ADAM19: variants seen among roughly 807,000 people sequenced by gnomAD.
ADAM19 encodes the protein ADAM metallopeptidase domain 19, also known as disintegrin and metalloproteinase domain-containing protein 19.
In ADAM19, 65 loss-of-function variants were observed where a neutral mutation model predicts 114.7. The ratio of observed to expected loss-of-function variants is 0.57; its 90% CI spans 0.46 to 0.70. The LOEUF (loss-of-function observed/expected upper bound fraction) is 0.70. Ranked by LOEUF, ADAM19 falls within the 30% of genes least tolerant of loss-of-function variation. The pLI is 0.00. For missense variants in ADAM19, 1,063 were observed against 1,204.7 expected, an observed-to-expected ratio of 0.88 and a Z score of 1.74; for synonymous variants, 466 against 460.5, an observed-to-expected ratio of 1.01 and a Z score of -0.15.
chr5:157,492,508 A>G (rs1755211104), intron 16 of ADAM19, among the ~76,000 whole-genome samples: 2 of 152,242 alleles, frequency 1.3e-5, no homozygotes, highest in African/African-American at 2.4e-5. Flanking sequence ...AAGGACTATT[A>G]TGTTGATTAT....
At chr5:157,502,160 A>C (rs1187352752) in intron 12 of ADAM19, among the ~76,000 whole-genome samples, 2 of 152,240 alleles carry the variant, frequency 1.3e-5, no homozygotes, top group Admixed American at 6.5e-5. Flanking sequence ...ATGTATAAAC[A>C]TACATATTTT....
intron 1 of ADAM19, among the ~76,000 whole-genome samples, chr5:157,573,754 A>AG (rs1159217465): frequency 6.6e-6 from 1 of 151,758 alleles, no homozygotes; most frequent in Admixed American, 6.6e-5. Context: ...AAAAAAAAAA[A>AG]GAAAGAAAAG....
In ADAM19 at chr5:157,495,608, C is replaced by T. The variant is rs575217272; in HGVS notation, c.1595-813G>A. On this transcript the variant is annotated intron_variant, in intron 14 of 22. Coordinates refer to ENST00000257527, the MANE Select transcript of ADAM19 (RefSeq NM_033274.5). ...TCTGTGTGTATCTTCTAGAGATAAT[C>T]TATCTAATAAAGAATGGAAGCATAT... Among the ~76,000 whole-genome samples, 7 of 152,150 alleles carry T rather than the reference C, an allele frequency of 4.6e-5. No homozygotes were observed. In the East Asian group the frequency reaches 1.4e-3, roughly 29 times the overall value.
In ADAM19 at chr5:157,507,121, T is replaced by A. The variant is rs1474047529; in HGVS notation, c.925A>T (p.Thr309Ser). The A allele has an allele frequency of 6.2e-7, 1 of 1,614,106 alleles. No individual in the cohort carries two copies. Among genetic ancestry groups the A allele is most frequent in the East Asian group, 2.2e-5 (1 of 44,874 alleles). ...QLITGMSFHG[T>S]TIGLAPLMAM... ...ATGAGGGGGGCCAGGCCGATGGTGG[T>A]GCCGTGGAAGGACATGCCCCTGCAG... The change falls in exon 10 of 23, where the codon ACC (threonine) becomes TCC (serine). Residue 309 changes from threonine to serine, a missense_variant. Coordinates refer to ENST00000257527, the MANE Select transcript of ADAM19 (RefSeq NM_033274.5).
intron 8 of ADAM19, among the ~76,000 whole-genome samples, chr5:157,510,459 C>T (rs540054342): frequency 1.3e-5 from 2 of 152,078 alleles, no homozygotes; most frequent in East Asian, 1.9e-4. Context: ...GGGCCACGGG[C>T]GAAACTCCGT....
At chr5:157,505,276 T>A (rs974554220) in intron 11 of ADAM19, among the ~76,000 whole-genome samples, 1 of 152,062 alleles carries the variant, frequency 6.6e-6, no homozygotes, top group Non-Finnish European at 1.5e-5. Context: ...CATCGGAGCT[T>A]TCAGTGAAGC....
At chr5:157,556,153 T>C (rs1215742827) in intron 3 of ADAM19, among the ~76,000 whole-genome samples, 1 of 152,036 alleles carries the variant, frequency 6.6e-6, no homozygotes, top group Non-Finnish European at 1.5e-5. Context: ...GTGACTCTTC[T>C]TTACTGCAAC....
chr5:157,575,580 T>C (rs1757950480), intron 1 of ADAM19, 23 bp downstream of exon 1: 7 of 1,439,832 alleles, frequency 4.9e-6, no homozygotes, highest in Middle Eastern at 2.2e-4. Context: ...CCAGCCTCCA[T>C]CCCCCCGCGC....
rs185494681 is a variant in ADAM19 at position 157,496,051 on chromosome 5, C to G, written c.1594+843G>C. Among the ~76,000 whole-genome samples, 661 of 151,396 alleles carry G rather than the reference C, an allele frequency of 4.4e-3. 7 individuals are homozygous for G. The highest frequency in any genetic ancestry group is 7.3e-3 in the South Asian group (35 of 4,778). The stretch of plus-strand genomic sequence containing the variant: ...AACTCCTGGGCTCAAGCCATCCCCC[C>G]ACCTCAGCCTCCTGAGTAGCTAGGA... On this transcript the variant is annotated intron_variant, in intron 14 of 22. Coordinates refer to ENST00000257527, the MANE Select transcript of ADAM19 (RefSeq NM_033274.5).
chr5:157,479,747 C>T lies in ADAM19; in HGVS notation c.*1202G>A. The T allele has an allele frequency of 2.0e-6, 2 of 985,730 alleles. No individual in the cohort carries two copies. The highest frequency in any genetic ancestry group is 2.4e-6 in the Non-Finnish European group (2 of 830,070). 61.1% of individuals were successfully genotyped at this position (985,730 alleles called of 1,614,324 possible). On this transcript the variant is annotated 3_prime_UTR_variant, in exon 23 of 23. Coordinates refer to ENST00000257527, the MANE Select transcript of ADAM19 (RefSeq NM_033274.5). The stretch of plus-strand genomic sequence containing the variant: ...GTGCAGCTGCTGCTGGCTGCCTTCT[C>T]CAGTGATCTCGGGCAGCTCCCAGAA...
chr5:157,538,209 T>C (rs1412773978), intron 3 of ADAM19, among the ~76,000 whole-genome samples: 1 of 152,170 alleles, frequency 6.6e-6, no homozygotes, highest in African/African-American at 2.4e-5. Context: ...ATCATCACTA[T>C]GGGAACATCA....
chr5:157,546,383 A>C (rs1225195098), intron 3 of ADAM19, among the ~76,000 whole-genome samples: 2 of 152,154 alleles, frequency 1.3e-5, no homozygotes, highest in African/African-American at 4.8e-5. Context: ...GGAATTAAGG[A>C]TACTCACTCA....
At position 157,575,399 on chromosome 5, in the gene ADAM19, G is replaced by T. The variant is rs143032274; in HGVS notation, c.94+204C>A. Among the ~76,000 whole-genome samples the T allele has an allele frequency of 4.4e-3, 666 of 152,364 alleles. 5 individuals carry two copies. Among genetic ancestry groups the T allele is most frequent in the African/African-American group, 0.015 (621 of 41,594 alleles). On this transcript the variant is annotated intron_variant, in intron 1 of 22. Coordinates refer to ENST00000257527, the MANE Select transcript of ADAM19 (RefSeq NM_033274.5). Reference sequence around the variant, plus strand: ...AGCGGACCGGCTGTTTTCTGGCTGCGCCGGGTTTCCCCGACCTCTGCCACC... The same window carrying T: ...AGCGGACCGGCTGTTTTCTGGCTGCTCCGGGTTTCCCCGACCTCTGCCACC...
At chr5:157,519,005 C>A in intron 6 of ADAM19, 117 bp from the exon 7 acceptor site, 1 of 840,536 alleles carries the variant, frequency 1.2e-6, no homozygotes. Flanking sequence ...ATGATTTTGT[C>A]ATTCGGCACT....
At chr5:157,514,659 GA>G (rs992201134) in intron 7 of ADAM19, among the ~76,000 whole-genome samples, 1 of 152,132 alleles carries the variant, frequency 6.6e-6, no homozygotes, top group African/African-American at 2.4e-5. Flanking sequence ...GCACAGGAAA[GA>G]AAGCTGTGTT....
chr5:157,499,279 A>G (rs1030918839), intron 13 of ADAM19, among the ~76,000 whole-genome samples: 9 of 152,180 alleles, frequency 5.9e-5, no homozygotes, highest in African/African-American at 1.9e-4. Flanking sequence ...ATTATTGTTT[A>G]TGAGCTCAAT....
intron 18 of ADAM19, among the ~76,000 whole-genome samples, chr5:157,490,917 G>A (rs11134770): frequency 0.47 from 69,218 of 148,840 alleles, 16,391 homozygotes; most frequent in East Asian, 0.73. Flanking sequence ...ACAAAGAAAC[G>A]AAAAGACTCA....
At chr5:157,522,528 G>C (rs1225060761) in intron 5 of ADAM19, among the ~76,000 whole-genome samples, 1 of 152,186 alleles carries the variant, frequency 6.6e-6, no homozygotes, top group Non-Finnish European at 1.5e-5. Flanking sequence ...GCTCACACCT[G>C]TAATCCCAGC....
intron 3 of ADAM19, among the ~76,000 whole-genome samples, chr5:157,554,160 T>C (rs866210874): frequency 2.6e-5 from 4 of 152,324 alleles, no homozygotes; most frequent in Middle Eastern, 3.4e-3. Flanking sequence ...CAGCTATTGT[T>C]GTTATCTGAA....
Sources: gnomAD v4.1 joint callset for allele counts (sites outside exome capture counted in the v4.1 genomes callset) on GRCh38, gnomAD v4.1.1 for gene constraint, MANE v1.5 for transcripts, NCBI Gene and HGNC (gene_info 2026-07-23, HGNC 2026-07-21) for gene names.